COLEC12: variants seen among roughly 807,000 people sequenced by gnomAD.
The protein encoded by COLEC12 is collectin-12.
COLEC12 carries 33 observed loss-of-function variants against 71.1 expected under a neutral mutation model. That is an observed-to-expected ratio of 0.46 (90% CI 0.35 to 0.62). The LOEUF (loss-of-function observed/expected upper bound fraction) is 0.62, where lower values mean the gene tolerates loss of function less well. COLEC12 is among the 20% of genes least tolerant of loss of function. The pLI, the probability that COLEC12 is intolerant of heterozygous loss-of-function variation, is 0.00. For synonymous variants in COLEC12, 350 were observed against 353.0 expected (o/e 0.99, Z 0.10); for missense variants, 765 against 916.1 (o/e 0.84, Z 2.13).
chr18:500,612 T>G lies in COLEC12; in HGVS notation c.-98A>C, dbSNP rs1917806083. On this transcript the variant is annotated 5_prime_UTR_variant, in exon 1 of 10. Coordinates refer to ENST00000400256, the MANE Select transcript of COLEC12 (RefSeq NM_130386.3). This position sits in a 1 kb window ranked among gnomAD's most constrained non-coding sequence, Gnocchi z 5.3. ...GCGGCTGCTCACCGCACGCCCATGG[T>G]AGCCGCGCCGCGCGCCGGCCGTCTG... is the stretch of plus-strand genomic sequence containing the variant. The G allele has an allele frequency of 9.8e-7, 1 of 1,019,234 alleles. No homozygotes were observed. The highest frequency in any genetic ancestry group is 1.2e-6 in the Non-Finnish European group (1 of 809,478). The allele number at this position is 1,019,234 out of a possible 1,614,324, so 63.1% of individuals were successfully genotyped here. A position where few individuals can be genotyped will look rare whatever the true frequency, so the allele number is the denominator to read the frequency against.
At position 348,062 on chromosome 18, in the gene COLEC12, T is replaced by C. The variant is rs1455101891; in HGVS notation, c.280+3A>G. 1.2e-6 allele frequency: 2 copies of C among 1,602,912 alleles called. No homozygotes were observed. The highest frequency in any genetic ancestry group is 8.5e-7 in the Non-Finnish European group (1 of 1,170,030). On this transcript the variant is annotated splice_donor_region_variant and intron_variant, in intron 4 of 9. Coordinates refer to ENST00000400256, the MANE Select transcript of COLEC12 (RefSeq NM_130386.3). ...TTCATGGTTTAGTCTTGTCACAGAT[T>C]ACCTAATTTTTTCAGGTCACTTTCC...
intron 2 of COLEC12, among the ~76,000 whole-genome samples, chr18:442,688 G>A (rs1392065102): frequency 2.6e-5 from 4 of 152,262 alleles, no homozygotes; most frequent in African/African-American, 9.6e-5. Context: ...TCAGCCGGGC[G>A]CAGTGGCTCA....
At chr18:460,820 A>G (rs1916969005) in intron 2 of COLEC12, among the ~76,000 whole-genome samples, 1 of 152,178 alleles carries the variant, frequency 6.6e-6, no homozygotes, top group Non-Finnish European at 1.5e-5. Context: ...GTTATACAAC[A>G]TAGATGGGCA....
chr18:387,551 A>G (rs894145318), intron 2 of COLEC12, among the ~76,000 whole-genome samples: 1 of 152,156 alleles, frequency 6.6e-6, no homozygotes, highest in Non-Finnish European at 1.5e-5. Context: ...TATGGTGGAC[A>G]TGTTTGAAGG....
chr18:476,768 T>C (rs1917313729), intron 2 of COLEC12, among the ~76,000 whole-genome samples: 1 of 152,226 alleles, frequency 6.6e-6, no homozygotes, highest in African/African-American at 2.4e-5. Flanking sequence ...TTCGTGGTAG[T>C]ACATATCATA....
chr18:415,110 T>A (rs1915962104), intron 2 of COLEC12, among the ~76,000 whole-genome samples: 1 of 152,230 alleles, frequency 6.6e-6, no homozygotes, highest in Admixed American at 6.5e-5. Context: ...TTACATACAC[T>A]GGAGAGCCAA....
chr18:461,033 TCTCA>T (rs1916973838), intron 2 of COLEC12, among the ~76,000 whole-genome samples: 1 of 152,226 alleles, frequency 6.6e-6, no homozygotes, highest in Admixed American at 6.5e-5. Flanking sequence ...TGACTCACCT[TCTCA>T]CTCAAGGAAC....
chr18:354,633 T>C lies in COLEC12; in HGVS notation c.181+2767A>G, dbSNP rs929787577. On this transcript the variant is annotated intron_variant, in intron 3 of 9. Transcript: ENST00000400256. ...TCTGCCTCTTACAACATTGGGTCACTAGAATCTTACCAGCAAGAAAGAGGA... is the reference window on the plus strand; with the variant it reads ...TCTGCCTCTTACAACATTGGGTCACCAGAATCTTACCAGCAAGAAAGAGGA... Among the ~76,000 whole-genome samples, 4 of 152,306 alleles carry C rather than the reference T, an allele frequency of 2.6e-5. No homozygotes were observed. The East Asian group carries it at 7.7e-4, about 29-fold the overall frequency.
chr18:466,428 G>C (rs557605452), intron 2 of COLEC12, among the ~76,000 whole-genome samples: 5 of 151,986 alleles, frequency 3.3e-5, no homozygotes, highest in Non-Finnish European at 7.4e-5. Context: ...CAGACTATCC[G>C]TGCTCTGTTT....
intron 5 of COLEC12, among the ~76,000 whole-genome samples, chr18:341,364 T>C (rs1163722527): frequency 2.0e-5 from 3 of 152,052 alleles, no homozygotes; most frequent in Admixed American, 1.3e-4. Context: ...CCTTAAAGAG[T>C]TGTAACAATG....
At chr18:488,707 T>C (rs934923435) in intron 1 of COLEC12, among the ~76,000 whole-genome samples, 1 of 151,666 alleles carries the variant, frequency 6.6e-6, no homozygotes, top group Non-Finnish European at 1.5e-5. Flanking sequence ...ACCCCGTCTC[T>C]ACTAAAAATA....
At chr18:471,225 A>G (rs933709015) in intron 2 of COLEC12, among the ~76,000 whole-genome samples, 4 of 152,254 alleles carry the variant, frequency 2.6e-5, no homozygotes, top group Admixed American at 6.5e-5. Flanking sequence ...ATAAAATATC[A>G]GAAGAAGCAG....
chr18:349,448 G>A (rs796553577), intron 3 of COLEC12, among the ~76,000 whole-genome samples: 5 of 152,330 alleles, frequency 3.3e-5, no homozygotes, highest in East Asian at 1.9e-4. Context: ...TTTGCTGCAC[G>A]GGTGGGATGT....
At chr18:498,994 T>C (rs1917766666) in intron 1 of COLEC12, among the ~76,000 whole-genome samples, 1 of 152,186 alleles carries the variant, frequency 6.6e-6, no homozygotes, top group Non-Finnish European at 1.5e-5. Context: ...GGTAGGTGGT[T>C]AATCTTCCCA....
At chr18:357,185 T>C (rs1598337002) in intron 3 of COLEC12, among the ~76,000 whole-genome samples, 1 of 152,282 alleles carries the variant, frequency 6.6e-6, no homozygotes. Flanking sequence ...AGGACGCTGA[T>C]TATTGCTGAA....
intron 8 of COLEC12, among the ~76,000 whole-genome samples, chr18:329,019 T>TGTG (rs1913909584): frequency 6.6e-6 from 1 of 152,164 alleles, no homozygotes; most frequent in Non-Finnish European, 1.5e-5. Context: ...GCACAGCCTG[T>TGTG]GTGGTGGCTG....
At chr18:361,971 A>T (rs977103205) in intron 2 of COLEC12, among the ~76,000 whole-genome samples, 12 of 152,148 alleles carry the variant, frequency 7.9e-5, no homozygotes, top group Non-Finnish European at 1.5e-4. Context: ...AGATGACACA[A>T]TCTGGGAGCT....
intron 1 of COLEC12, among the ~76,000 whole-genome samples, chr18:494,190 C>T (rs189033773): frequency 1.3e-5 from 2 of 152,284 alleles, no homozygotes; most frequent in African/African-American, 4.8e-5. Context: ...ACGTGGAGCA[C>T]AACTCACTCC....
At position 500,450 on chromosome 18, in the gene COLEC12, G is replaced by T; in HGVS notation, c.7+58C>A. 2.2e-6 allele frequency: 2 copies of T among 916,940 alleles called. No individual in the cohort carries two copies. The highest frequency in any genetic ancestry group is 2.6e-6 in the Non-Finnish European group (2 of 760,790). The allele number at this position is 916,940 out of a possible 1,614,324, so 56.8% of individuals were successfully genotyped here. ...GCGGGAGGCACCTCCGTGGCCTCCC[G>T]CGCGCCCCGAAGCCCGTTCCCCCCG... On this transcript the variant is annotated intron_variant, in intron 1 of 9. Coordinates refer to ENST00000400256, the MANE Select transcript of COLEC12 (RefSeq NM_130386.3). The surrounding 1 kb of genome is among the most constrained non-coding windows in gnomAD (Gnocchi z 5.3).
Sources: gnomAD v4.1 joint callset for allele counts (sites outside exome capture counted in the v4.1 genomes callset) on GRCh38, gnomAD v4.1.1 for gene constraint, Gnocchi (gnomAD v3.1) non-coding constraint, MANE v1.5 for transcripts, NCBI Gene and HGNC (gene_info 2026-07-23, HGNC 2026-07-21) for gene names.